The following REV3L variants were observed in gnomAD, a reference collection of about 807,000 sequenced individuals.
REV3L encodes the protein REV3 like, DNA directed polymerase zeta catalytic subunit.
In REV3L, 69 loss-of-function variants were observed where a neutral mutation model predicts 299.4. The observed-to-expected ratio is 0.23, with a 90% CI of 0.19 to 0.28. REV3L has a LOEUF of 0.28. Among genes scored for constraint, REV3L ranks in the 10% least tolerant of loss-of-function variants. The pLI, the probability that REV3L is intolerant of heterozygous loss-of-function variation, is 1.00. For synonymous variants in REV3L, 1,238 were observed against 1,271.4 expected (o/e 0.97, Z 0.56); for missense variants, 3,128 against 3,693.8 (o/e 0.85, Z 3.97).
rs147759021 is a variant in REV3L at position 111,470,562 on chromosome 6, T to C, written c.139+12188A>G. Among the ~76,000 whole-genome samples the C allele has an allele frequency of 1.2e-3, 190 of 152,346 alleles. 1 individual carries two copies. The highest frequency in any genetic ancestry group is 4.4e-3 in the African/African-American group (185 of 41,580). On this transcript the variant is annotated intron_variant, in intron 1 of 31. Transcript: ENST00000368802. ...TACCACCTCGTTTAGTAAAATGACGTAAAATTAAGGTCTTTTAACTATAAT... is the reference window on the plus strand; with the variant it reads ...TACCACCTCGTTTAGTAAAATGACGCAAAATTAAGGTCTTTTAACTATAAT...
Position 111,331,688 on chromosome 6 carries a change from T to C in REV3L, c.8022A>G (p.Val2674=), listed in dbSNP as rs1190360076. The change falls in exon 24 of 32, where the codon GTA becomes GTG. Residue 2674 remains valine, a synonymous_variant. Coordinates refer to ENST00000368802, the MANE Select transcript of REV3L (RefSeq NM_001372078.1). ...AAGAGAGTATTACCTTGACAAAAGCTACTCCATTGGGGGACACTGTGATAT... is the reference window on the plus strand; with the variant it reads ...AAGAGAGTATTACCTTGACAAAAGCCACTCCATTGGGGGACACTGTGATAT... ...RHDITVSPNG[V]AFVKPSVRKG... is the part of the protein sequence containing the mutation. 1 of 1,610,170 alleles carries C rather than the reference T, an allele frequency of 6.2e-7. No individual in the cohort carries two copies. The highest frequency in any genetic ancestry group is 1.3e-5 in the African/African-American group (1 of 74,808).
At chr6:111,472,170 T>C (rs999026077) in intron 1 of REV3L, 1 of 1,259,206 alleles carries the variant, frequency 7.9e-7, no homozygotes, top group Non-Finnish European at 1.0e-6. Context: ...AGTCATTTTC[T>C]TGTTCTGAGA....
At chr6:111,435,036 C>G (rs1033214392) in intron 1 of REV3L, among the ~76,000 whole-genome samples, 1 of 152,216 alleles carries the variant, frequency 6.6e-6, no homozygotes, top group Admixed American at 6.5e-5. Context: ...GAAACCCTGT[C>G]TCTACAAAAA....
chr6:111,400,957 G>A (rs1783028026), intron 4 of REV3L, among the ~76,000 whole-genome samples: 1 of 152,120 alleles, frequency 6.6e-6, no homozygotes, highest in African/African-American at 2.4e-5. Context: ...CTGGCATATG[G>A]ACATCCAATT....
intron 14 of REV3L, among the ~76,000 whole-genome samples, chr6:111,366,519 T>C (rs536101442): frequency 6.6e-6 from 1 of 152,198 alleles, no homozygotes; most frequent in South Asian, 2.1e-4. Flanking sequence ...GAAAGCCAAG[T>C]GGAGAAGCTC....
intron 1 of REV3L, among the ~76,000 whole-genome samples, chr6:111,431,995 T>C (rs930277868): frequency 6.6e-6 from 1 of 152,220 alleles, no homozygotes; most frequent in Non-Finnish European, 1.5e-5. Flanking sequence ...TTTCTATTCT[T>C]TGTTTTGTAA....
chr6:111,392,583 T>C (rs927617445), intron 5 of REV3L: 1 of 195,278 alleles, frequency 5.1e-6, no homozygotes, highest in Non-Finnish European at 1.0e-5. Context: ...CTTGACAAGT[T>C]ATAGGATATC....
intron 3 of REV3L, among the ~76,000 whole-genome samples, chr6:111,408,538 A>C (rs1395491167): frequency 1.3e-5 from 2 of 152,138 alleles, no homozygotes; most frequent in African/African-American, 4.8e-5. Flanking sequence ...TGGGAGGCGG[A>C]AGTTGCAGTG....
chr6:111,476,471 G>T (rs567568995), intron 1 of REV3L, among the ~76,000 whole-genome samples: 9 of 152,194 alleles, frequency 5.9e-5, no homozygotes, highest in Non-Finnish European at 1.0e-4. Flanking sequence ...ACGAAGTTTT[G>T]ACTGCGACCC....
Position 111,367,396 on chromosome 6 carries a change from G to C in REV3L, c.6392C>G (p.Pro2131Arg), listed in dbSNP as rs376494769. The C allele has an allele frequency of 2.5e-6, 4 of 1,610,990 alleles. No individual in the cohort carries two copies. Among genetic ancestry groups the C allele is most frequent in the Non-Finnish European group, 3.4e-6 (4 of 1,178,716 alleles). Residue 2131 changes from proline (P) to arginine (R), a missense_variant, in exon 14 of 32, where the codon CCA becomes CGA. Physicochemically the swap from Pro to Arg is moderately radical, Grantham distance 103. This residue lies in a region of REV3L where 2,409 missense variants were observed against 2,611.8 expected (regional missense o/e 0.92). Coordinates refer to ENST00000368802, the MANE Select transcript of REV3L (RefSeq NM_001372078.1). ...TAATGCTTTGGAATCTGGGGATATT[G>C]GTTGTTGCCAAGGGGGAATTACTGG... ...DSPVIPPWQQ[P>R]ISPDSKALNG...
At chr6:111,330,387 C>CT (rs1775259896) in intron 24 of REV3L, 4 of 420,368 alleles carry the variant, frequency 9.5e-6, no homozygotes, top group South Asian at 6.5e-5. Context: ...TTCATCAAGA[C>CT]TAGGGAGAAT....
At chr6:111,360,458 T>C (rs1012152069) in intron 16 of REV3L, among the ~76,000 whole-genome samples, 2 of 151,184 alleles carry the variant, frequency 1.3e-5, no homozygotes, top group Non-Finnish European at 1.5e-5. Flanking sequence ...CATTGTAAAT[T>C]TGTTAAATAA....
At chr6:111,465,912 G>T (rs1791449941) in intron 1 of REV3L, among the ~76,000 whole-genome samples, 1 of 152,098 alleles carries the variant, frequency 6.6e-6, no homozygotes, top group Admixed American at 6.6e-5. Flanking sequence ...AGGACAAAAA[G>T]ATTTTAAGAA....
chr6:111,317,474 T>C (rs769899983), intron 26 of REV3L, among the ~76,000 whole-genome samples: 2 of 152,190 alleles, frequency 1.3e-5, no homozygotes, highest in Non-Finnish European at 2.9e-5. Context: ...TGCTCATTTA[T>C]ACCAATACTA....
At chr6:111,482,701 C>A (rs1443310143) in intron 1 of REV3L, 49 bp downstream of exon 1, 1 of 1,153,090 alleles carries the variant, frequency 8.7e-7, no homozygotes. Flanking sequence ...AGGGCGGCCC[C>A]GGCGCCCCGC....
intron 19 of REV3L, among the ~76,000 whole-genome samples, chr6:111,349,986 C>A (rs961792893): frequency 6.6e-6 from 1 of 152,078 alleles, no homozygotes; most frequent in African/African-American, 2.4e-5. Context: ...AATTAAAATG[C>A]GTCTCTCCTA....
chr6:111,420,097 G>A (rs1396349838), intron 1 of REV3L, among the ~76,000 whole-genome samples: 3 of 151,974 alleles, frequency 2.0e-5, no homozygotes, highest in South Asian at 4.2e-4. Flanking sequence ...CACCTGCCTC[G>A]GCCTTCCAAA....
chr6:111,419,374 C>G (rs1051653422), intron 1 of REV3L, among the ~76,000 whole-genome samples: 2 of 152,194 alleles, frequency 1.3e-5, no homozygotes, highest in African/African-American at 4.8e-5. Context: ...ACACGAGAGT[C>G]AACTGCTTTT....
chr6:111,441,710 T>C (rs1407080842), intron 1 of REV3L, among the ~76,000 whole-genome samples: 4 of 152,238 alleles, frequency 2.6e-5, no homozygotes, highest in Non-Finnish European at 5.9e-5. Context: ...TTATAGGTGT[T>C]AGAGGCTAAT....
Sources: allele counts gnomAD v4.1 joint callset (sites outside exome capture counted in the v4.1 genomes callset), GRCh38; gene constraint gnomAD v4.1.1; regional missense constraint gnomAD v4.1.1; transcripts MANE v1.5; gene names NCBI Gene and HGNC (gene_info 2026-07-23, HGNC 2026-07-21).